The following EPRS1 variants were observed in gnomAD, a reference collection of about 807,000 sequenced individuals.
EPRS1 encodes the protein bifunctional glutamate/proline--tRNA ligase.
In EPRS1, 107 loss-of-function variants were observed where a neutral mutation model predicts 188.3. That is an observed-to-expected ratio of 0.57 (90% CI 0.49 to 0.67). The LOEUF (loss-of-function observed/expected upper bound fraction) is 0.67. EPRS1 is among the 30% of genes least tolerant of loss of function. The probability of loss-of-function intolerance (pLI) is 0.00; values close to 1 mark genes in which losing one functional copy is unlikely to be tolerated. For missense variants in EPRS1, 1,577 were observed against 1,802.2 expected (o/e 0.88, Z 2.26); for synonymous variants, 596 against 593.1 (o/e 1.00, Z -0.07).
chr1:219,985,699 C>G (rs528227416), intron 20 of EPRS1, among the ~76,000 whole-genome samples: 7 of 152,312 alleles, frequency 4.6e-5, no homozygotes, highest in African/African-American at 7.2e-5. Context: ...ACCACCACGC[C>G]TGGCCTCAAG....
intron 29 of EPRS1, among the ~76,000 whole-genome samples, chr1:219,972,428 T>C (rs1430646250): frequency 1.3e-5 from 2 of 152,232 alleles, no homozygotes; most frequent in Non-Finnish European, 2.9e-5. Context: ...ATTCTTTTCC[T>C]GGCATTAACA....
At position 219,983,092 on chromosome 1, in the gene EPRS1, G is replaced by T. The variant is rs1366070556; in HGVS notation, c.3300+97C>A. ...AGAAACAGAACTTTTTAATAAAAATGGCTTTATATTTTTCAAAATTGGTTG... is the reference window on the plus strand; with the variant it reads ...AGAAACAGAACTTTTTAATAAAAATTGCTTTATATTTTTCAAAATTGGTTG... On this transcript the variant is annotated intron_variant, in intron 22 of 31. Coordinates refer to ENST00000366923, the MANE Select transcript of EPRS1 (RefSeq NM_004446.3). The T allele has an allele frequency of 8.2e-6, 8 of 979,272 alleles. No individual in the cohort carries two copies. The East Asian group carries it at 1.7e-4, about 21-fold the overall frequency. 60.7% of individuals were successfully genotyped at this position (979,272 alleles called of 1,614,324 possible). A position where few individuals can be genotyped will look rare whatever the true frequency, so the allele number is the denominator to read the frequency against.
At chr1:220,040,770 A>G (rs1398745340) in intron 1 of EPRS1, among the ~76,000 whole-genome samples, 2 of 151,968 alleles carry the variant, frequency 1.3e-5, no homozygotes, top group Non-Finnish European at 2.9e-5. Flanking sequence ...GAATCGCTTG[A>G]ACCTGGGAGG....
intron 8 of EPRS1, 129 bp from the exon 9 acceptor site, chr1:220,022,647 G>A: frequency 1.4e-6 from 1 of 736,176 alleles, no homozygotes; most frequent in Non-Finnish European, 2.2e-6. Context: ...TAAAAACACT[G>A]TAATATTTCC....
At chr1:219,996,863 C>G in intron 18 of EPRS1, 120 bp downstream of exon 18, 2 of 1,098,608 alleles carry the variant, frequency 1.8e-6, no homozygotes, top group East Asian at 2.4e-5. Flanking sequence ...AGGTATCAAT[C>G]AATGTTGATT....
At chr1:219,990,699 G>A (rs925091246) in intron 18 of EPRS1, among the ~76,000 whole-genome samples, 1 of 152,116 alleles carries the variant, frequency 6.6e-6, no homozygotes, top group Non-Finnish European at 1.5e-5. Flanking sequence ...ACTGCTTTTC[G>A]AAAGAGATGT....
chr1:220,011,305 T>C (rs1661600729), intron 12 of EPRS1, among the ~76,000 whole-genome samples: 1 of 152,190 alleles, frequency 6.6e-6, no homozygotes, highest in South Asian at 2.1e-4. Flanking sequence ...AAGAAACCAA[T>C]TAAAGCATAA....
intron 30 of EPRS1, among the ~76,000 whole-genome samples, chr1:219,969,653 GAAA>G (rs71560594): frequency 1.4e-5 from 2 of 141,874 alleles, no homozygotes; most frequent in Non-Finnish European, 3.1e-5. Context: ...TTTGTGTAAG[GAAA>G]AAAAAAAAAA....
intron 27 of EPRS1, among the ~76,000 whole-genome samples, chr1:219,978,959 TATA>T (rs1163176520): frequency 1.6e-5 from 1 of 61,588 alleles, no homozygotes; most frequent in African/African-American, 4.5e-5. Flanking sequence ...TATATATATA[TATA>T]TATTTTTTTT....
intron 2 of EPRS1, among the ~76,000 whole-genome samples, chr1:220,036,201 CAACAAAA>C (rs1662177981): frequency 1.3e-5 from 2 of 151,946 alleles, no homozygotes; most frequent in Non-Finnish European, 2.9e-5. Flanking sequence ...CTCCACCTCA[CAACAAAA>C]AACAAAAAAC....
Position 219,988,616 on chromosome 1 carries a change from T to C in EPRS1, c.2749A>G (p.Lys917Glu). 6.2e-7 allele frequency: 1 copy of C among 1,613,404 alleles called. No individual in the cohort carries two copies. The highest frequency in any genetic ancestry group is 1.7e-5 in the Admixed American group (1 of 60,002). ...TTAGGGGCTTTTTCAGTTTTAAGTT[T>C]CCGAACTACTTCCCCTTGAGAAGCT... ...KVASQGEVVR[K>E]LKTEKAPKDQ... Residue 917 changes from lysine (K) to glutamate (E), a missense_variant, in exon 19 of 32, where the codon AAA becomes GAA. Lys to Glu is a moderately conservative substitution (Grantham distance 56). Around this residue, in one of 3 missense-constraint regions of EPRS1, gnomAD observed 1,278 missense variants for 1,457.4 expected, o/e 0.88. Transcript: ENST00000366923.
At chr1:220,041,155 A>AC (rs1231323208) in intron 1 of EPRS1, among the ~76,000 whole-genome samples, 1 of 151,494 alleles carries the variant, frequency 6.6e-6, no homozygotes, top group East Asian at 1.9e-4. Flanking sequence ...ACATAGTGAG[A>AC]CCCCGTCTCT....
intron 28 of EPRS1, among the ~76,000 whole-genome samples, chr1:219,974,759 T>C (rs11118478): frequency 0.042 from 6,440 of 152,296 alleles, 429 homozygotes; most frequent in African/African-American, 0.15. Flanking sequence ...CAATGTATTA[T>C]ACTGGATGTA....
intron 12 of EPRS1, among the ~76,000 whole-genome samples, chr1:220,013,768 G>A (rs973009025): frequency 6.6e-6 from 1 of 152,170 alleles, no homozygotes; most frequent in Non-Finnish European, 1.5e-5. Flanking sequence ...TGAAGGGAAT[G>A]GGTTTCAGTG....
Position 220,010,979 on chromosome 1 carries a change from C to G in EPRS1, c.1572G>C (p.Gln524His), listed in dbSNP as rs758687017. The G allele has an allele frequency of 1.2e-6, 2 of 1,613,142 alleles. No homozygotes were observed. The highest frequency in any genetic ancestry group is 4.5e-5 in the East Asian group (2 of 44,846). Residue 524 changes from glutamine (Q) to histidine (H), a missense_variant, in exon 13 of 32, where the codon CAG becomes CAC. Coordinates refer to ENST00000366923, the MANE Select transcript of EPRS1 (RefSeq NM_004446.3). ...GTTTGGCTACTTCTTTCATCTCCTC[C>G]TGAGCTTCAGGTACATTCACTGGGA... Reference protein sequence around the residue: ...EVIPVNVPEAQEEMKEVAKHP... With the variant: ...EVIPVNVPEAHEEMKEVAKHP...
Position 219,978,435 on chromosome 1 carries a change from T to A in EPRS1, c.4083+111A>T, listed in dbSNP as rs142192957. ...AGTGAAGAAGAAGAAAACTCACAAC[T>A]ATCAAAATAGAGGAAAGTAATGAGA... On this transcript the variant is annotated intron_variant, in intron 28 of 31. Transcript: ENST00000366923. The A allele has an allele frequency of 4.6e-4, 364 of 786,224 alleles. 1 individual carries two copies. In the South Asian group the frequency reaches 4.7e-3, roughly 10 times the overall value. 48.7% of individuals were successfully genotyped at this position (786,224 alleles called of 1,614,324 possible).
At chr1:220,005,829 GTTTTT>G (rs879818549) in intron 15 of EPRS1, among the ~76,000 whole-genome samples, 19 of 45,728 alleles carry the variant, frequency 4.2e-4, no homozygotes, top group South Asian at 8.2e-4. Flanking sequence ...TTTTTTTTTT[GTTTTT>G]TTTTTTGTTT....
intron 20 of EPRS1, 42 bp downstream of exon 20, chr1:219,987,100 A>G (rs1661020404): frequency 6.4e-7 from 1 of 1,574,252 alleles, no homozygotes; most frequent in Admixed American, 2.0e-5. Flanking sequence ...AATTGAATTA[A>G]TTCACTGCTT....
At position 219,987,522 on chromosome 1, in the gene EPRS1, G is replaced by A. The variant is rs1203293520; in HGVS notation, c.2776-118C>T. The A allele has an allele frequency of 2.4e-5, 20 of 828,870 alleles. No individual in the cohort carries two copies. In the East Asian group the frequency reaches 5.3e-4, roughly 22 times the overall value. The allele number at this position is 828,870 out of a possible 1,614,324, so 51.3% of individuals were successfully genotyped here. A position where few individuals can be genotyped will look rare whatever the true frequency, so the allele number is the denominator to read the frequency against. ...CTTTTTTCCGCCAATATCACACGGG[G>A]AATGTGCCCAGGTGGTGATAAGGTT... On this transcript the variant is annotated intron_variant, in intron 19 of 31. Transcript: ENST00000366923.
Sources: gnomAD v4.1 joint callset for allele counts (sites outside exome capture counted in the v4.1 genomes callset) on GRCh38, gnomAD v4.1.1 for gene constraint, gnomAD v4.1.1 regional missense constraint, MANE v1.5 for transcripts, NCBI Gene and HGNC (gene_info 2026-07-23, HGNC 2026-07-21) for gene names.